The following ROBO1 variants were observed in gnomAD, a reference collection of about 807,000 sequenced individuals.
The protein encoded by ROBO1 is roundabout guidance receptor 1, also known as roundabout homolog 1.
A neutral mutation model predicts 195.9 loss-of-function variants in ROBO1; 149 were observed. That is an observed-to-expected ratio of 0.76 (90% confidence interval 0.67 to 0.87). The LOEUF (loss-of-function observed/expected upper bound fraction) is 0.87, where lower values mean the gene tolerates loss of function less well. Among genes scored for constraint, ROBO1 ranks in the 40% least tolerant of loss-of-function variants. The pLI is 0.00. For synonymous variants in ROBO1, 816 were observed against 733.2 expected (o/e 1.11, Z -1.82); for missense variants, 1,933 against 2,068.3 (o/e 0.93, Z 1.27).
rs151209597 is a variant in ROBO1 at position 79,335,961 on chromosome 3, C to A, written c.89-210422G>T. 8.0e-3 allele frequency among the ~76,000 whole-genome samples: 1,217 copies of A among 152,234 alleles called. 22 individuals are homozygous for A. The highest frequency in any genetic ancestry group is 0.027 in the African/African-American group (1,106 of 41,556). On this transcript the variant is annotated intron_variant, in intron 2 of 30. Transcript: ENST00000464233. ...TTCTTGGGAACTGGAAAAAAGGTGA[C>A]CCTTGCTGTGCTTTAGCAAAGAGAC...
chr3:78,812,588 A>G (rs2084775867), intron 4 of ROBO1, among the ~76,000 whole-genome samples: 1 of 151,980 alleles, frequency 6.6e-6, no homozygotes, highest in Non-Finnish European at 1.5e-5. Flanking sequence ...TTCCTGCTCT[A>G]TTTTGCTTCT....
intron 1 of ROBO1, among the ~76,000 whole-genome samples, chr3:79,740,969 A>G (rs980256652): frequency 5.9e-5 from 9 of 152,254 alleles, no homozygotes; most frequent in Admixed American, 5.9e-4. Context: ...TTTTCTCTAC[A>G]TCTATATCCT....
chr3:78,794,318 T>C (rs1007080183), intron 4 of ROBO1, among the ~76,000 whole-genome samples: 14 of 152,346 alleles, frequency 9.2e-5, no homozygotes, highest in East Asian at 1.9e-4. Context: ...AATTAAAATA[T>C]GTAAAATAGA....
At chr3:79,697,402 C>A (rs1351006090) in intron 1 of ROBO1, among the ~76,000 whole-genome samples, 1 of 151,006 alleles carries the variant, frequency 6.6e-6, no homozygotes, top group Non-Finnish European at 1.5e-5. Context: ...AAAAGAATAT[C>A]CAATGAGCTA....
At chr3:79,321,809 A>C (rs370657140) in intron 2 of ROBO1, among the ~76,000 whole-genome samples, 1 of 152,202 alleles carries the variant, frequency 6.6e-6, no homozygotes, top group Non-Finnish European at 1.5e-5. Context: ...GCATGGGTCC[A>C]TGTCCGTAAA....
At chr3:78,855,507 G>A (rs140029159) in intron 4 of ROBO1, among the ~76,000 whole-genome samples, 4 of 152,246 alleles carry the variant, frequency 2.6e-5, no homozygotes, top group Non-Finnish European at 4.4e-5. Flanking sequence ...AAACACCTCC[G>A]CACTGCTAGG....
intron 2 of ROBO1, among the ~76,000 whole-genome samples, chr3:79,453,767 C>G (rs1324120801): frequency 6.6e-6 from 1 of 152,046 alleles, no homozygotes; most frequent in African/African-American, 2.4e-5. Flanking sequence ...GAATAGGAAA[C>G]TTGGAAAAAA....
At chr3:79,400,110 TA>T (rs1394403716) in intron 2 of ROBO1, among the ~76,000 whole-genome samples, 2 of 152,162 alleles carry the variant, frequency 1.3e-5, no homozygotes, top group African/African-American at 2.4e-5. Context: ...CAAAATATGG[TA>T]AATGTGAGTT....
At chr3:79,662,419 C>T (rs1281658746) in intron 1 of ROBO1, among the ~76,000 whole-genome samples, 1 of 151,978 alleles carries the variant, frequency 6.6e-6, no homozygotes, top group Non-Finnish European at 1.5e-5. Flanking sequence ...CATTCTTTGA[C>T]TGTAAAAATT....
intron 8 of ROBO1, among the ~76,000 whole-genome samples, chr3:78,691,194 G>A (rs1026038543): frequency 3.9e-5 from 6 of 152,148 alleles, no homozygotes; most frequent in East Asian, 3.9e-4. Context: ...ATCTGTCATC[G>A]TTATCTATCA....
intron 2 of ROBO1, among the ~76,000 whole-genome samples, chr3:79,138,208 G>C (rs1243776526): frequency 6.6e-6 from 1 of 151,932 alleles, no homozygotes; most frequent in African/African-American, 2.4e-5. Context: ...GTAAGTTGAA[G>C]GGTGATTAAG....
chr3:78,602,068 A>G (rs879364304), intron 29 of ROBO1, among the ~76,000 whole-genome samples: 9 of 149,858 alleles, frequency 6.0e-5, no homozygotes, highest in African/African-American at 2.3e-4. Context: ...GTGTGTGTGT[A>G]TATATATAGA....
chr3:78,860,321 TATA>T (rs1256338906), intron 4 of ROBO1, among the ~76,000 whole-genome samples: 6 of 72,270 alleles, frequency 8.3e-5, no homozygotes, highest in African/African-American at 1.8e-4. Context: ...TATATATATA[TATA>T]TATTTTTTTT....
chr3:78,681,300 T>A (rs898158664), intron 10 of ROBO1, among the ~76,000 whole-genome samples: 41 of 151,956 alleles, frequency 2.7e-4, no homozygotes, highest in African/African-American at 9.7e-4. Flanking sequence ...AACCTGCACA[T>A]TGTGCACATG....
chr3:79,691,492 G>A (rs931930881), intron 1 of ROBO1, among the ~76,000 whole-genome samples: 1 of 151,274 alleles, frequency 6.6e-6, no homozygotes, highest in Non-Finnish European at 1.5e-5. Context: ...TTAGCCATGA[G>A]ATATAACTCA....
At chr3:79,386,380 T>C (rs1354832119) in intron 2 of ROBO1, among the ~76,000 whole-genome samples, 1 of 152,076 alleles carries the variant, frequency 6.6e-6, no homozygotes, top group Non-Finnish European at 1.5e-5. Flanking sequence ...ATTCTAATAA[T>C]ATTGAGGTTG....
At chr3:79,032,574 T>C (rs1024574172) in intron 3 of ROBO1, among the ~76,000 whole-genome samples, 10 of 152,014 alleles carry the variant, frequency 6.6e-5, no homozygotes, top group Non-Finnish European at 1.3e-4. Flanking sequence ...AGAATCTCTC[T>C]CTATAGAAAC....
At chr3:78,669,747 C>T (rs994441129) in intron 11 of ROBO1, among the ~76,000 whole-genome samples, 4 of 152,260 alleles carry the variant, frequency 2.6e-5, no homozygotes, top group Middle Eastern at 3.4e-3. Flanking sequence ...TAAAATGATA[C>T]AGGTAAATAT....
chr3:79,393,076 C>G (rs1359078721), intron 2 of ROBO1, among the ~76,000 whole-genome samples: 1 of 152,192 alleles, frequency 6.6e-6, no homozygotes, highest in African/African-American at 2.4e-5. Flanking sequence ...CCTTTCCTCT[C>G]TATCCAGGAA....
Sources: gnomAD v4.1 joint callset for allele counts (sites outside exome capture counted in the v4.1 genomes callset) on GRCh38, gnomAD v4.1.1 for gene constraint, MANE v1.5 for transcripts, NCBI Gene and HGNC (gene_info 2026-07-23, HGNC 2026-07-21) for gene names.